The following PTPRN2 variants were observed in gnomAD, a reference collection of about 807,000 sequenced individuals.
PTPRN2 encodes receptor-type tyrosine-protein phosphatase N2.
PTPRN2 carries 74 observed loss-of-function variants against 118.8 expected under a neutral mutation model. That is an observed-to-expected ratio of 0.62 (90% CI 0.52 to 0.76). The LOEUF is 0.76. PTPRN2 is among the 30% of genes least tolerant of loss of function. PTPRN2 has a pLI of 0.00. For missense variants in PTPRN2, 1,481 were observed against 1,394.4 expected (o/e 1.06, Z -0.99); for synonymous variants, 641 against 608.0 (o/e 1.05, Z -0.80).
intron 11 of PTPRN2, among the ~76,000 whole-genome samples, chr7:158,025,063 C>T (rs1009737773): frequency 1.3e-5 from 2 of 151,988 alleles, no homozygotes; most frequent in African/African-American, 4.8e-5. Flanking sequence ...TGACAGGTGC[C>T]CCGAGGAAAG....
intron 12 of PTPRN2, among the ~76,000 whole-genome samples, chr7:157,883,244 G>T (rs555484489): frequency 1.0e-4 from 15 of 147,736 alleles, no homozygotes; most frequent in South Asian, 4.3e-4. Context: ...ATGACTGTCA[G>T]AGACCAGAAC....
chr7:157,749,884 G>C (rs201945355), intron 12 of PTPRN2, among the ~76,000 whole-genome samples: 48 of 143,342 alleles, frequency 3.3e-4, no homozygotes, highest in East Asian at 8.6e-4. Flanking sequence ...TCCCTGCGCT[G>C]TGGGGTGTCT....
At chr7:158,436,639 T>G (rs995313201) in intron 2 of PTPRN2, among the ~76,000 whole-genome samples, 1 of 152,260 alleles carries the variant, frequency 6.6e-6, no homozygotes. Flanking sequence ...GTCTGTCTGG[T>G]CACGTCTTGA....
intron 4 of PTPRN2, among the ~76,000 whole-genome samples, chr7:158,203,524 C>T (rs1585838124): frequency 6.6e-6 from 1 of 152,094 alleles, no homozygotes; most frequent in Admixed American, 6.5e-5. Flanking sequence ...AGAGGCAGGT[C>T]CTCCCTGGAT....
chr7:158,524,428 A>T (rs1465611016), intron 1 of PTPRN2, among the ~76,000 whole-genome samples: 21 of 131,414 alleles, frequency 1.6e-4, no homozygotes, highest in South Asian at 2.5e-4. Flanking sequence ...TCTGCCCTGG[A>T]GTGGAGTCGT....
chr7:157,788,028 C>T (rs1258621499), intron 12 of PTPRN2, among the ~76,000 whole-genome samples: 1 of 152,200 alleles, frequency 6.6e-6, no homozygotes, highest in African/African-American at 2.4e-5. Flanking sequence ...CTCTGCCATT[C>T]GCAAATCCCA....
intron 19 of PTPRN2, chr7:157,574,290 T>G (rs762606370): frequency 1.9e-5 from 9 of 479,474 alleles, no homozygotes; most frequent in African/African-American, 1.8e-4. Flanking sequence ...CAGAGGTCGT[T>G]AGAGGCTCAG....
intron 11 of PTPRN2, among the ~76,000 whole-genome samples, chr7:158,019,735 G>A (rs1806725197): frequency 6.6e-6 from 1 of 152,004 alleles, no homozygotes; most frequent in Admixed American, 6.5e-5. Flanking sequence ...CTGGTCTCAG[G>A]GACCCCACAT....
intron 3 of PTPRN2, among the ~76,000 whole-genome samples, chr7:158,240,373 G>A (rs1030185408): frequency 4.6e-5 from 7 of 152,192 alleles, no homozygotes; most frequent in African/African-American, 1.4e-4. Context: ...TCCAGACCTC[G>A]AATACGACCA....
At chr7:158,572,657 C>A (rs1828109485) in intron 1 of PTPRN2, among the ~76,000 whole-genome samples, 1 of 152,208 alleles carries the variant, frequency 6.6e-6, no homozygotes, top group Non-Finnish European at 1.5e-5. Context: ...TGCCCTCTGA[C>A]TCATCACTGT....
chr7:158,146,070 T>C (rs1405781464), intron 6 of PTPRN2, among the ~76,000 whole-genome samples: 1 of 106,492 alleles, frequency 9.4e-6, no homozygotes, highest in Non-Finnish European at 2.2e-5. Context: ...TTTTCCCCCT[T>C]TCCCATCCAT....
chr7:157,671,794 C>T lies in PTPRN2; in HGVS notation c.2001+10931G>A, dbSNP rs771956504. ...CCTGAACTGCACAAGGCCTGAAGGA[C>T]GCCCTGAAGAGCTTCTTCCTACCAG... On this transcript the variant is annotated intron_variant, in intron 13 of 22. Coordinates refer to ENST00000389418, the MANE Select transcript of PTPRN2 (RefSeq NM_002847.5). This position sits in a 1 kb window ranked among gnomAD's most constrained non-coding sequence, Gnocchi z 4.1. Among the ~76,000 whole-genome samples, 9 of 152,120 alleles carry T rather than the reference C, an allele frequency of 5.9e-5. No homozygotes were observed. The highest frequency in any genetic ancestry group is 1.2e-4 in the Non-Finnish European group (8 of 68,020).
At chr7:157,724,358 C>T (rs567703405) in intron 12 of PTPRN2, among the ~76,000 whole-genome samples, 7 of 152,302 alleles carry the variant, frequency 4.6e-5, no homozygotes, top group East Asian at 3.9e-4. Context: ...TATAATCAAA[C>T]GGGTAAGGAT....
rs536380155 is a variant in PTPRN2 at position 157,801,024 on chromosome 7, TATATATACACATATATATACAC to T, written c.1788+97627_1788+97648del. On this transcript the variant is annotated intron_variant, in intron 12 of 22. Transcript: ENST00000389418. The surrounding 1 kb of genome is among the most constrained non-coding windows in gnomAD (Gnocchi z 4.2). ...ACACACATATACATATACACACACA[TATATATACACATATATATACAC>T]ATATATACACATATATATACACATA... Among the ~76,000 whole-genome samples, 89 of 147,980 alleles carry T rather than the reference TATATATACACATATATATACAC, an allele frequency of 6.0e-4. No individual in the cohort carries two copies. Among genetic ancestry groups the T allele is most frequent in the Middle Eastern group, 3.6e-3 (1 of 276 alleles).
intron 12 of PTPRN2, among the ~76,000 whole-genome samples, chr7:157,735,777 G>T (rs1345670775): frequency 6.6e-6 from 1 of 152,076 alleles, no homozygotes; most frequent in Non-Finnish European, 1.5e-5. Flanking sequence ...GGGAGCAGGT[G>T]GGCGCCTTTG....
At chr7:158,071,763 G>GGTGGAGGTGCTTGTGGTGGAGGTGCTCC (rs1811839621) in intron 11 of PTPRN2, among the ~76,000 whole-genome samples, 1 of 125,706 alleles carries the variant, frequency 8.0e-6, no homozygotes, top group Non-Finnish European at 1.6e-5. Flanking sequence ...GGAGGTGCTC[G>GGTGGAGGTGCTTGTGGTGGAGGTGCTCC]TGGTGATGGA....
intron 11 of PTPRN2, among the ~76,000 whole-genome samples, chr7:158,024,843 T>C (rs1807149113): frequency 6.6e-6 from 1 of 152,246 alleles, no homozygotes. Flanking sequence ...TTTCTGCTAC[T>C]GCACTTAGAA....
chr7:157,655,046 C>T (rs1438738114), intron 14 of PTPRN2, among the ~76,000 whole-genome samples: 2 of 152,232 alleles, frequency 1.3e-5, no homozygotes, highest in East Asian at 1.9e-4. Context: ...CTGCCAAAGT[C>T]GATGACAGGT....
At chr7:158,270,941 A>G (rs931042754) in intron 3 of PTPRN2, among the ~76,000 whole-genome samples, 51 of 1,648 alleles carry the variant, frequency 0.031, 4 homozygotes, top group African/African-American at 0.091. Flanking sequence ...CACCTGGACC[A>G]CCCCCCCACC....
Sources: gnomAD v4.1 joint callset for allele counts (sites outside exome capture counted in the v4.1 genomes callset) on GRCh38, gnomAD v4.1.1 for gene constraint, Gnocchi (gnomAD v3.1) non-coding constraint, MANE v1.5 for transcripts, NCBI Gene and HGNC (gene_info 2026-07-23, HGNC 2026-07-21) for gene names.